SORCS3: variants seen among roughly 807,000 people sequenced by gnomAD.
The protein encoded by SORCS3 is VPS10 domain-containing receptor SorCS3.
Under a neutral mutation model 146.3 loss-of-function variants are expected in SORCS3, and 57 were observed. The ratio of observed to expected loss-of-function variants is 0.39; its 90% CI spans 0.31 to 0.49. The LOEUF is 0.49. SORCS3 is among the 20% of genes least tolerant of loss of function. SORCS3 has a pLI of 0.92. For missense variants in SORCS3, 1,341 were observed against 1,575.5 expected, an observed-to-expected ratio of 0.85 and a Z score of 2.52; for synonymous variants, 653 against 618.5, an observed-to-expected ratio of 1.06 and a Z score of -0.83.
chr10:104,815,953 G>A (rs2017793107), intron 1 of SORCS3, among the ~76,000 whole-genome samples: 1 of 152,174 alleles, frequency 6.6e-6, no homozygotes, highest in Non-Finnish European at 1.5e-5. Context: ...GCTATTAATT[G>A]CTTGAATATG....
intron 1 of SORCS3, among the ~76,000 whole-genome samples, chr10:104,732,699 G>A (rs895094945): frequency 2.0e-5 from 3 of 152,210 alleles, no homozygotes; most frequent in African/African-American, 7.2e-5. Flanking sequence ...TGTGGGCAGA[G>A]CTATCTCTCC....
At chr10:104,993,517 A>G (rs926423861) in intron 4 of SORCS3, among the ~76,000 whole-genome samples, 1 of 152,222 alleles carries the variant, frequency 6.6e-6, no homozygotes, top group Non-Finnish European at 1.5e-5. Flanking sequence ...AGGGGAAAAA[A>G]GATACGTTAG....
chr10:104,697,378 A>G (rs917262236), intron 1 of SORCS3, among the ~76,000 whole-genome samples: 2 of 152,188 alleles, frequency 1.3e-5, no homozygotes, highest in African/African-American at 2.4e-5. Context: ...CCAAAGGGGC[A>G]TAGCTCTGCT....
chr10:104,817,397 T>TCCCCCTCCTC (rs1564690552), intron 1 of SORCS3, among the ~76,000 whole-genome samples: 1 of 61,504 alleles, frequency 1.6e-5, no homozygotes, highest in African/African-American at 6.7e-5. Flanking sequence ...TCCTCCTCCT[T>TCCCCCTCCTC]CCCCCTCCTC....
intron 20 of SORCS3, among the ~76,000 whole-genome samples, chr10:105,236,347 C>G (rs1202601483): frequency 6.6e-6 from 1 of 152,072 alleles, no homozygotes. Flanking sequence ...AGGTGTTTAT[C>G]TCCTGGAGGT....
intron 1 of SORCS3, among the ~76,000 whole-genome samples, chr10:104,687,834 C>T (rs2016063426): frequency 6.6e-6 from 1 of 152,092 alleles, no homozygotes; most frequent in Admixed American, 6.5e-5. Flanking sequence ...TCAACTTCTT[C>T]ATCTGTAAAG....
chr10:105,241,363 C>T (rs192495499), intron 20 of SORCS3, among the ~76,000 whole-genome samples: 24 of 152,286 alleles, frequency 1.6e-4, no homozygotes, highest in East Asian at 3.9e-4. Flanking sequence ...TCAGGGGGAG[C>T]GCAGCAGCCC....
In SORCS3 at chr10:104,939,299, C is replaced by T. The variant is rs547883925; in HGVS notation, c.795+23367C>T. On this transcript the variant is annotated intron_variant, in intron 3 of 26. Coordinates refer to ENST00000369701, the MANE Select transcript of SORCS3 (RefSeq NM_014978.3). Reference sequence around the variant, plus strand: ...CTCAGCCATTTATGTCTTTGTGTCTCCTGCTAAGTCGTAAATGCCCCAAGG... The same window carrying T: ...CTCAGCCATTTATGTCTTTGTGTCTTCTGCTAAGTCGTAAATGCCCCAAGG... 3.3e-5 allele frequency among the ~76,000 whole-genome samples: 5 copies of T among 152,276 alleles called. No homozygotes were observed. In the South Asian group the frequency reaches 8.3e-4, roughly 25 times the overall value.
intron 5 of SORCS3, among the ~76,000 whole-genome samples, chr10:105,051,037 C>T (rs1022563313): frequency 1.3e-5 from 2 of 152,166 alleles, no homozygotes; most frequent in African/African-American, 4.8e-5. Flanking sequence ...GCCCTATCCT[C>T]AACCTGAGTG....
chr10:104,703,737 A>G (rs2016306663), intron 1 of SORCS3, among the ~76,000 whole-genome samples: 2 of 150,418 alleles, frequency 1.3e-5, no homozygotes, highest in African/African-American at 4.9e-5. Context: ...TTAAGAAGAA[A>G]TGAAGAAAAA....
chr10:104,908,545 T>C (rs1443253596), intron 2 of SORCS3, among the ~76,000 whole-genome samples: 2 of 152,226 alleles, frequency 1.3e-5, no homozygotes, highest in Admixed American at 1.3e-4. Flanking sequence ...ATGAAAAGCT[T>C]GCACAGCTAG....
chr10:104,792,235 C>T (rs1010215223), intron 1 of SORCS3, among the ~76,000 whole-genome samples: 21 of 152,152 alleles, frequency 1.4e-4, no homozygotes, highest in African/African-American at 4.8e-4. Context: ...AGTTATCTGA[C>T]AAACTCCTAC....
intron 2 of SORCS3, among the ~76,000 whole-genome samples, chr10:104,886,917 G>A (rs17117859): frequency 0.12 from 17,868 of 152,214 alleles, 1,144 homozygotes; most frequent in South Asian, 0.27. Flanking sequence ...CTGCCTGTGA[G>A]CTTAATTGCA....
intron 1 of SORCS3, among the ~76,000 whole-genome samples, chr10:104,660,672 A>C (rs978867443): frequency 6.6e-6 from 1 of 151,878 alleles, no homozygotes; most frequent in African/African-American, 2.4e-5. Context: ...ATGGTGAATG[A>C]GTTGGGGATG....
At chr10:105,082,733 A>G (rs1177202290) in intron 5 of SORCS3, among the ~76,000 whole-genome samples, 3 of 151,972 alleles carry the variant, frequency 2.0e-5, no homozygotes, top group East Asian at 1.9e-4. Context: ...ATTTTTTTAA[A>G]TTATTTATTT....
intron 7 of SORCS3, among the ~76,000 whole-genome samples, chr10:105,107,159 C>T (rs55671533): frequency 0.024 from 3,685 of 152,252 alleles, 150 homozygotes; most frequent in African/African-American, 0.083. Flanking sequence ...TGGCACAACC[C>T]CCTACCAGGT....
chr10:104,937,410 A>G (rs547943172), intron 3 of SORCS3, among the ~76,000 whole-genome samples: 1 of 152,370 alleles, frequency 6.6e-6, no homozygotes, highest in African/African-American at 2.4e-5. Flanking sequence ...GTTAATTTGA[A>G]TGCCAGGATG....
intron 2 of SORCS3, among the ~76,000 whole-genome samples, chr10:104,909,164 G>C (rs1278957118): frequency 6.6e-6 from 1 of 152,110 alleles, no homozygotes; most frequent in Non-Finnish European, 1.5e-5. Flanking sequence ...TGGCTTGTTT[G>C]GAGCTGCAAA....
intron 6 of SORCS3, among the ~76,000 whole-genome samples, chr10:105,092,974 G>A (rs2055720721): frequency 6.6e-6 from 1 of 152,108 alleles, no homozygotes; most frequent in South Asian, 2.1e-4. Context: ...CCTAGGCAGT[G>A]CAATAAAGCA....
Sources: gnomAD v4.1 joint callset for allele counts (sites outside exome capture counted in the v4.1 genomes callset) on GRCh38, gnomAD v4.1.1 for gene constraint, MANE v1.5 for transcripts, NCBI Gene and HGNC (gene_info 2026-07-23, HGNC 2026-07-21) for gene names.